CDKN2B-AS1: variants seen among roughly 807,000 people sequenced by gnomAD.
The protein encoded by CDKN2B-AS1 is CDKN2B and CDKN2A antisense cis and trans regulatory RNA 1.
intron 3 of CDKN2B-AS1, among the ~76,000 whole-genome samples, chr9:22,054,499 A>G (rs1055612808): frequency 1.3e-5 from 2 of 152,064 alleles, no homozygotes; most frequent in Non-Finnish European, 1.5e-5. Context: ...ACTTCTTTTC[A>G]TAGTATTTCA....
Position 22,006,408 on chromosome 9 carries a change from G to T in CDKN2B-AS1, n.29+11247G>T. The T allele has an allele frequency of 1.0e-6, 1 of 979,546 alleles. No individual in the cohort carries two copies. The allele number at this position is 979,546 out of a possible 1,614,324, so 60.7% of individuals were successfully genotyped here. On this transcript the variant is annotated intron_variant and non_coding_transcript_variant, in intron 1 of 4. Transcript: ENST00000650946. This position sits in a 1 kb window ranked among gnomAD's most constrained non-coding sequence, Gnocchi z 6.4. ...TCTGATGTCTGGTGTTTCTTCATTT[G>T]CTGATGCAATCCACTTTCCCACCCC...
intron 1 of CDKN2B-AS1, among the ~76,000 whole-genome samples, chr9:22,007,428 C>T (rs898673869): frequency 6.6e-6 from 1 of 152,116 alleles, no homozygotes; most frequent in East Asian, 1.9e-4. Flanking sequence ...TGATGCATAA[C>T]TTAGAAAAAA....
intron 4 of CDKN2B-AS1, among the ~76,000 whole-genome samples, chr9:22,086,689 G>A (rs754599616): frequency 6.6e-6 from 1 of 152,146 alleles, no homozygotes; most frequent in Non-Finnish European, 1.5e-5. Flanking sequence ...AGGCAGCTGG[G>A]ATAGGGGAGA....
chr9:22,018,061 C>T (rs1033519914), intron 1 of CDKN2B-AS1, among the ~76,000 whole-genome samples: 24 of 152,292 alleles, frequency 1.6e-4, no homozygotes, highest in African/African-American at 4.8e-4. Context: ...AAGTGGCTCA[C>T]GCCTGTAATC....
downstream of CDKN2B-AS1, among the ~76,000 whole-genome samples, chr9:22,128,128 T>C (rs930490668): frequency 1.2e-4 from 19 of 152,112 alleles, no homozygotes; most frequent in African/African-American, 4.6e-4. Flanking sequence ...CAATAAATGA[T>C]CAACTTTTTA....
At chr9:22,090,976 T>G (rs1825060433) in intron 4 of CDKN2B-AS1, among the ~76,000 whole-genome samples, 1 of 152,214 alleles carries the variant, frequency 6.6e-6, no homozygotes, top group Non-Finnish European at 1.5e-5. Flanking sequence ...CATTTAAGTC[T>G]TTAATCCATC....
At chr9:22,049,304 C>T (rs1823237416) in intron 3 of CDKN2B-AS1, 1 of 152,174 alleles carries the variant, frequency 6.6e-6, no homozygotes, top group South Asian at 2.1e-4. Context: ...TCCCAAACAT[C>T]TAAAGAAGAG....
At position 22,005,976 on chromosome 9, in the gene CDKN2B-AS1, G is replaced by A. The variant is rs760216883; in HGVS notation, n.29+10815G>A. 6.9e-6 allele frequency: 11 copies of A among 1,600,588 alleles called. No homozygotes were observed. In the African/African-American group the frequency reaches 1.2e-4, roughly 17 times the overall value. On this transcript the variant is annotated intron_variant and non_coding_transcript_variant, in intron 1 of 4. Transcript: ENST00000650946. The surrounding 1 kb of genome is among the most constrained non-coding windows in gnomAD (Gnocchi z 4.9). ...AAATAAAGTCGTTGTGGGCGGCTGG[G>A]GAACCTGGCGTCAGTCCCCCGTGGC... is the stretch of plus-strand genomic sequence containing the variant.
At chr9:22,024,627 T>G (rs1822155175) in intron 1 of CDKN2B-AS1, among the ~76,000 whole-genome samples, 1 of 152,178 alleles carries the variant, frequency 6.6e-6, no homozygotes, top group African/African-American at 2.4e-5. Flanking sequence ...TTGCTGGCTG[T>G]GTGCTGCTAA....
At chr9:22,015,960 A>C (rs560762909) in intron 1 of CDKN2B-AS1, among the ~76,000 whole-genome samples, 1 of 151,882 alleles carries the variant, frequency 6.6e-6, no homozygotes, top group Non-Finnish European at 1.5e-5. Flanking sequence ...TTTTCTTGTA[A>C]ATTTGTTTGA....
At chr9:22,083,713 A>G (rs573981761) in intron 4 of CDKN2B-AS1, among the ~76,000 whole-genome samples, 2 of 152,332 alleles carry the variant, frequency 1.3e-5, no homozygotes, top group East Asian at 3.9e-4. Context: ...GGTGGCATCC[A>G]GGTTTCTGAA....
At chr9:21,998,132 A>T (rs576456230) in intron 1 of CDKN2B-AS1, among the ~76,000 whole-genome samples, 25 of 152,294 alleles carry the variant, frequency 1.6e-4, no homozygotes, top group African/African-American at 5.8e-4. Context: ...GCTGCCCAAT[A>T]CCTGTTCTCT....
intron 4 of CDKN2B-AS1, among the ~76,000 whole-genome samples, chr9:22,073,399 G>A (rs1369913666): frequency 6.6e-6 from 1 of 152,136 alleles, no homozygotes; most frequent in African/African-American, 2.4e-5. Context: ...TGGGAAGTAT[G>A]CAAAATTAGC....
intron 1 of CDKN2B-AS1, among the ~76,000 whole-genome samples, chr9:22,042,036 G>A (rs1822917420): frequency 6.6e-6 from 1 of 152,024 alleles, no homozygotes; most frequent in Non-Finnish European, 1.5e-5. Context: ...TGTTTTACAT[G>A]AGTTGACAGA....
chr9:22,125,265 C>T (rs112900248), intron 4 of CDKN2B-AS1, among the ~76,000 whole-genome samples: 15 of 152,300 alleles, frequency 9.8e-5, no homozygotes, highest in African/African-American at 3.1e-4. Context: ...GAAGATCATA[C>T]CCGAAGTAGA....
intron 1 of CDKN2B-AS1, among the ~76,000 whole-genome samples, chr9:22,008,492 ATCT>A (rs1378629780): frequency 7.9e-5 from 12 of 152,190 alleles, no homozygotes; most frequent in South Asian, 6.2e-4. Context: ...AGACAAGATA[ATCT>A]TCTTCCCTAA....
chr9:22,017,235 G>C (rs1057514203), intron 1 of CDKN2B-AS1, among the ~76,000 whole-genome samples: 1 of 152,146 alleles, frequency 6.6e-6, no homozygotes, highest in African/African-American at 2.4e-5. Context: ...GACCAGCCTG[G>C]CCAATATGGT....
intron 4 of CDKN2B-AS1, among the ~76,000 whole-genome samples, chr9:22,088,595 A>T (rs1056153410): frequency 3.3e-5 from 5 of 152,202 alleles, no homozygotes; most frequent in African/African-American, 1.2e-4. Context: ...TTAAGTGCAA[A>T]ACATGGTTTT....
chr9:22,111,642 T>G (rs1402372630), intron 4 of CDKN2B-AS1, among the ~76,000 whole-genome samples: 1 of 152,144 alleles, frequency 6.6e-6, no homozygotes, highest in African/African-American at 2.4e-5. Flanking sequence ...GTTTTTACAG[T>G]GAAATAGATT....
Sources: allele counts gnomAD v4.1 joint callset (sites outside exome capture counted in the v4.1 genomes callset), GRCh38; gene constraint gnomAD v4.1.1; non-coding constraint Gnocchi (gnomAD v3.1); transcripts MANE v1.5; gene names NCBI Gene and HGNC (gene_info 2026-07-23, HGNC 2026-07-21).